The following PCM1 variants were observed in gnomAD, a reference collection of about 807,000 sequenced individuals.
The protein encoded by PCM1 is pericentriolar material 1 protein.
PCM1 carries 157 observed loss-of-function variants against 241.9 expected under a neutral mutation model. That is an observed-to-expected ratio of 0.65 (90% CI 0.57 to 0.74). The LOEUF (loss-of-function observed/expected upper bound fraction) is 0.74. PCM1 is among the 30% of genes least tolerant of loss of function. The pLI is 0.00. For missense variants in PCM1, 3,478 were observed against 2,360.1 expected, an observed-to-expected ratio of 1.47 and a Z score of -9.81; for synonymous variants, 1,085 against 784.9, an observed-to-expected ratio of 1.38 and a Z score of -6.39.
intron 36 of PCM1, among the ~76,000 whole-genome samples, chr8:18,021,696 G>T (rs1170144454): frequency 6.6e-6 from 1 of 152,170 alleles, no homozygotes; most frequent in Non-Finnish European, 1.5e-5. Context: ...TGGACAAATT[G>T]TATCTTGAAA....
At chr8:18,025,511 A>G in intron 37 of PCM1, 33 bp from the exon 38 acceptor site, 1 of 1,540,070 alleles carries the variant, frequency 6.5e-7, no homozygotes. Context: ...TTAAAATGAA[A>G]AATGATTTGT....
At chr8:17,995,174 T>C (rs1360349905) in intron 29 of PCM1, among the ~76,000 whole-genome samples, 1 of 151,496 alleles carries the variant, frequency 6.6e-6, no homozygotes, top group African/African-American at 2.5e-5. Flanking sequence ...TAGATTTATG[T>C]CTTTAATCCA....
intron 24 of PCM1, among the ~76,000 whole-genome samples, chr8:17,984,800 C>G (rs868248810): frequency 2.0e-5 from 3 of 152,050 alleles, no homozygotes; most frequent in Middle Eastern, 6.8e-3. Context: ...TGCCTAGATT[C>G]TGTGAAACTG....
intron 3 of PCM1, among the ~76,000 whole-genome samples, chr8:17,936,049 C>G (rs576067173): frequency 2.6e-5 from 4 of 152,258 alleles, no homozygotes; most frequent in African/African-American, 9.6e-5. Flanking sequence ...GTGCATCTGC[C>G]TAACACACCT....
At position 17,947,174 on chromosome 8, in the gene PCM1, C is replaced by G; in HGVS notation, c.784-12C>G. On this transcript the variant is annotated splice_polypyrimidine_tract_variant and intron_variant, in intron 6 of 38. Coordinates refer to ENST00000325083, the MANE Select transcript of PCM1 (RefSeq NM_006197.4). ...ATAGTCAGATACAAGTATTGTTGGT[C>G]TTATTTTCCAGGCCAGAGATCCTCA... is the stretch of plus-strand genomic sequence containing the variant. 2 of 1,548,378 alleles carry G rather than the reference C, an allele frequency of 1.3e-6. No homozygotes were observed. The highest frequency in any genetic ancestry group is 1.2e-5 in the South Asian group (1 of 82,922).
intron 23 of PCM1, among the ~76,000 whole-genome samples, chr8:17,973,849 C>G (rs932512425): frequency 2.6e-5 from 4 of 152,212 alleles, no homozygotes; most frequent in African/African-American, 9.6e-5. Context: ...AGTAAATGCC[C>G]TGAGAAATCC....
At chr8:17,995,577 T>C (rs396848) in intron 29 of PCM1, among the ~76,000 whole-genome samples, 12,098 of 151,362 alleles carry the variant, frequency 0.08, 1,049 homozygotes, top group African/African-American at 0.16. Flanking sequence ...CCTATAAATT[T>C]TAGGATTCTT....
At chr8:17,956,375 T>G (rs935905945) in intron 10 of PCM1, among the ~76,000 whole-genome samples, 3 of 152,178 alleles carry the variant, frequency 2.0e-5, no homozygotes, top group African/African-American at 7.2e-5. Flanking sequence ...ATTGGTTTTC[T>G]TACACTTTTG....
Position 18,020,761 on chromosome 8 carries a change from A to G in PCM1, c.5842-4600A>G, listed in dbSNP as rs140308668. On this transcript the variant is annotated intron_variant, in intron 36 of 38. Coordinates refer to ENST00000325083, the MANE Select transcript of PCM1 (RefSeq NM_006197.4). Reference sequence around the variant, plus strand: ...GAATTACGTGATCTAAGACTTAACCATATAGCAAAATGCCAATCATTTTCC... The same window carrying G: ...GAATTACGTGATCTAAGACTTAACCGTATAGCAAAATGCCAATCATTTTCC... Among the ~76,000 whole-genome samples the G allele has an allele frequency of 5.4e-4, 83 of 152,352 alleles. No individual in the cohort carries two copies. In the East Asian group the frequency reaches 0.015, roughly 28 times the overall value.
At chr8:17,983,367 T>A (rs1344774191) in intron 24 of PCM1, 3 of 791,694 alleles carry the variant, frequency 3.8e-6, no homozygotes, top group African/African-American at 1.8e-5. Flanking sequence ...TTGTCCTGAT[T>A]TTTTTCTTTT....
chr8:17,969,544 A>AT (rs1349751063), intron 21 of PCM1, 33 bp from the exon 22 acceptor site: 2 of 1,434,668 alleles, frequency 1.4e-6, no homozygotes, highest in South Asian at 1.3e-5. Flanking sequence ...ACATTTATTT[A>AT]TTTTTCTCTT....
chr8:17,990,302 G>A (rs188218153), intron 27 of PCM1, among the ~76,000 whole-genome samples: 97 of 152,018 alleles, frequency 6.4e-4, no homozygotes, highest in Non-Finnish European at 1.1e-3. Flanking sequence ...AAAGGTCATC[G>A]TTTAAGGTCA....
intron 4 of PCM1, 57 bp from the exon 5 acceptor site, chr8:17,938,683 A>G (rs773377003): frequency 2.1e-5 from 29 of 1,406,098 alleles, no homozygotes; most frequent in Admixed American, 3.6e-5. Context: ...TGGGGTTAAA[A>G]CAAAATTTTG....
chr8:17,984,966 C>G (rs1266888987), intron 24 of PCM1, among the ~76,000 whole-genome samples: 3 of 151,814 alleles, frequency 2.0e-5, no homozygotes, highest in Non-Finnish European at 4.4e-5. Context: ...AATTAGTAGA[C>G]TATACTGGAT....
intron 6 of PCM1, among the ~76,000 whole-genome samples, chr8:17,944,351 A>G (rs1000286717): frequency 6.6e-6 from 1 of 152,164 alleles, no homozygotes; most frequent in African/African-American, 2.4e-5. Flanking sequence ...TATCTTCTCT[A>G]GGCTTATAGT....
At chr8:17,938,022 C>G (rs1162899045) in intron 4 of PCM1, among the ~76,000 whole-genome samples, 1 of 152,092 alleles carries the variant, frequency 6.6e-6, no homozygotes, top group African/African-American at 2.4e-5. Flanking sequence ...TCAGACAGTT[C>G]TTCATGTAGA....
At position 17,980,594 on chromosome 8, in the gene PCM1, A is replaced by G. The variant is rs376135885; in HGVS notation, c.3947A>G (p.Tyr1316Cys). The change falls in exon 24 of 39, where the codon TAT becomes TGT. Residue 1316 changes from tyrosine to cysteine, a missense_variant. Physicochemically the swap from Tyr to Cys is radical, Grantham distance 194. Transcript: ENST00000325083. Reference sequence around the variant, plus strand: ...GTTGTCACTTTTTTTACTCAAGGGTATGAAAGTGCCAGTATGTCTAGCACA... The same window carrying G: ...GTTGTCACTTTTTTTACTCAAGGGTGTGAAAGTGCCAGTATGTCTAGCACA... The part of the protein sequence containing the change: ...QLKSRVKNIR[Y>C]ESASMSSTCE... 3.5e-5 allele frequency: 55 copies of G among 1,588,716 alleles called. No homozygotes were observed. Among genetic ancestry groups the G allele is most frequent in the Non-Finnish European group, 4.1e-5 (48 of 1,170,656 alleles).
intron 28 of PCM1, 129 bp from the exon 29 acceptor site, chr8:17,993,353 CA>C: frequency 1.8e-6 from 1 of 560,882 alleles, no homozygotes. Context: ...GCTTAAACTA[CA>C]AACATGTTTC....
chr8:18,018,905 TA>T (rs1564429294), intron 36 of PCM1, among the ~76,000 whole-genome samples: 4 of 121,276 alleles, frequency 3.3e-5, no homozygotes, highest in South Asian at 2.5e-4. Context: ...TACACATATA[TA>T]TATATAAATA....
Sources: allele counts gnomAD v4.1 joint callset (sites outside exome capture counted in the v4.1 genomes callset), GRCh38; gene constraint gnomAD v4.1.1; transcripts MANE v1.5; gene names NCBI Gene and HGNC (gene_info 2026-07-23, HGNC 2026-07-21).